Variants in SMCHD1 observed in about 807,000 individuals in gnomAD.
SMCHD1 encodes the protein structural maintenance of chromosomes flexible hinge domain containing 1.
In SMCHD1, 78 loss-of-function variants were observed where a neutral mutation model predicts 254.7. The ratio of observed to expected loss-of-function variants is 0.31; its 90% CI spans 0.26 to 0.37. The LOEUF (loss-of-function observed/expected upper bound fraction) is 0.37. Among genes scored for constraint, SMCHD1 ranks in the 10% least tolerant of loss-of-function variants. The probability of loss-of-function intolerance (pLI) is 1.00; values close to 1 mark genes in which losing one functional copy is unlikely to be tolerated. For synonymous variants in SMCHD1, 766 were observed against 794.9 expected, an observed-to-expected ratio of 0.96 and a Z score of 0.61; for missense variants, 1,840 against 2,408.1, an observed-to-expected ratio of 0.76 and a Z score of 4.94.
At chr18:2,699,384 C>G (rs559874) in intron 10 of SMCHD1, among the ~76,000 whole-genome samples, 150,298 of 152,350 alleles carry the variant, frequency 0.99, 74,170 homozygotes, top group East Asian at 1. Context: ...TTGCCACACA[C>G]GCTGGAGTGC....
At chr18:2,796,757 T>A (rs1446048909) in intron 47 of SMCHD1, 4 of 434,988 alleles carry the variant, frequency 9.2e-6, no homozygotes, top group African/African-American at 6.3e-5. Flanking sequence ...ATTTTTTGTA[T>A]TTTTTTGTAG....
intron 37 of SMCHD1, among the ~76,000 whole-genome samples, chr18:2,765,374 A>G (rs912432807): frequency 6.6e-6 from 1 of 152,080 alleles, no homozygotes; most frequent in Non-Finnish European, 1.5e-5. Context: ...ATGAAATGTT[A>G]CCTTTTCTTG....
intron 39 of SMCHD1, 44 bp downstream of exon 39, chr18:2,770,152 T>C (rs1180247525): frequency 8.9e-6 from 14 of 1,579,170 alleles, no homozygotes; most frequent in Non-Finnish European, 9.4e-6. Flanking sequence ...CTTTGGGGAA[T>C]GATGAGGCAG....
At chr18:2,672,969 G>A (rs1022482114) in intron 3 of SMCHD1, 16 of 613,998 alleles carry the variant, frequency 2.6e-5, no homozygotes, top group Non-Finnish European at 3.2e-5. Context: ...TTGATTTTAT[G>A]GTTATGGTCT....
chr18:2,675,317 T>G (rs2073718451), intron 5 of SMCHD1, among the ~76,000 whole-genome samples: 1 of 147,452 alleles, frequency 6.8e-6, no homozygotes, highest in African/African-American at 2.6e-5. Flanking sequence ...CAGGCTGAAG[T>G]GCAGTTGTGC....
intron 1 of SMCHD1, among the ~76,000 whole-genome samples, chr18:2,661,530 T>C (rs1038644066): frequency 6.6e-6 from 1 of 151,014 alleles, no homozygotes; most frequent in Non-Finnish European, 1.5e-5. Flanking sequence ...GTTTTTAATA[T>C]GGATTAAACA....
chr18:2,720,775 C>T (rs922298561), intron 19 of SMCHD1, among the ~76,000 whole-genome samples: 1 of 152,156 alleles, frequency 6.6e-6, no homozygotes, highest in African/African-American at 2.4e-5. Context: ...GACACTTTTA[C>T]ATTTAATTGA....
In SMCHD1 at chr18:2,663,745, C is replaced by T. The variant is rs571289233; in HGVS notation, c.187-2412C>T. On this transcript the variant is annotated intron_variant, in intron 1 of 47. Coordinates refer to ENST00000320876, the MANE Select transcript of SMCHD1 (RefSeq NM_015295.3). ...AATTTTTTTTTTTAAGACGGAGTCT[C>T]GCTCTGTCGCCCAGGCTGGAGTGCA... Among the ~76,000 whole-genome samples the T allele has an allele frequency of 8.0e-4, 118 of 147,940 alleles. 3 individuals carry two copies. The South Asian group carries it at 0.024, about 30-fold the overall frequency.
chr18:2,722,948 TAAC>T lies in SMCHD1; in HGVS notation c.2603+288_2603+290del, dbSNP rs147857184. On this transcript the variant is annotated intron_variant, in intron 20 of 47. Transcript: ENST00000320876. ...TTTGCAAGTATGATATAATGTCTCT[TAAC>T]AATTCATTATTTGAAATACTTCATT... Among the ~76,000 whole-genome samples, 29,449 of 152,076 alleles carry T rather than the reference TAAC, an allele frequency of 0.19. 3,076 individuals are homozygous for T. Among genetic ancestry groups the T allele is most frequent in the South Asian group, 0.27 (1,298 of 4,822 alleles).
intron 45 of SMCHD1, among the ~76,000 whole-genome samples, chr18:2,795,521 C>T (rs1001791697): frequency 6.6e-6 from 1 of 152,146 alleles, no homozygotes; most frequent in Admixed American, 6.6e-5. Flanking sequence ...TTATTAGAAA[C>T]CCCCTGTTAC....
intron 47 of SMCHD1, among the ~76,000 whole-genome samples, chr18:2,801,447 T>G (rs2076360939): frequency 6.6e-6 from 1 of 152,184 alleles, no homozygotes; most frequent in South Asian, 2.1e-4. Flanking sequence ...ATTATATTCA[T>G]GAAATTTGTT....
At chr18:2,696,269 C>T (rs773594935) in intron 8 of SMCHD1, among the ~76,000 whole-genome samples, 7 of 152,128 alleles carry the variant, frequency 4.6e-5, no homozygotes, top group South Asian at 2.1e-4. Flanking sequence ...GGGTCCCCAA[C>T]GCCCCGGTCG....
intron 17 of SMCHD1, among the ~76,000 whole-genome samples, chr18:2,711,631 C>T (rs897278810): frequency 2.7e-5 from 4 of 150,906 alleles, no homozygotes; most frequent in Non-Finnish European, 4.4e-5. Context: ...TACAGGCGCC[C>T]GCCACTACGC....
rs1346233392 is a variant in SMCHD1, at chr18:2,674,077, C to T, written c.570C>T (p.Thr190=). 3.7e-6 allele frequency: 6 copies of T among 1,603,912 alleles called. No individual in the cohort carries two copies. Among genetic ancestry groups the T allele is most frequent in the African/African-American group, 1.3e-5 (1 of 74,718 alleles). Residue 190 remains threonine, a synonymous_variant, in exon 5 of 48, where the codon ACC becomes ACT. Transcript: ENST00000320876. Reference sequence around the variant, plus strand: ...TGATAGATAATGGAAGAGGAATGACCTCTAAACAGCTTAACAACTGGGCCG... The same window carrying T: ...TGATAGATAATGGAAGAGGAATGACTTCTAAACAGCTTAACAACTGGGCCG... ...VAVIDNGRGM[T]SKQLNNWAVY... is the part of the protein sequence containing the mutation.
chr18:2,796,223 ACT>A (rs1444243919), intron 46 of SMCHD1, 116 bp downstream of exon 46: 1 of 1,031,028 alleles, frequency 9.7e-7, no homozygotes, highest in African/African-American at 1.6e-5. Flanking sequence ...CTTAACAAAA[ACT>A]CTTAACCTCC....
At chr18:2,702,467 GTTGA>G (rs2074424701) in intron 12 of SMCHD1, among the ~76,000 whole-genome samples, 1 of 152,106 alleles carries the variant, frequency 6.6e-6, no homozygotes, top group African/African-American at 2.4e-5. Flanking sequence ...AATTTGTTTG[GTTGA>G]TAGTGAATCC....
intron 37 of SMCHD1, among the ~76,000 whole-genome samples, chr18:2,767,719 A>G (rs1040885030): frequency 1.1e-4 from 16 of 150,380 alleles, no homozygotes; most frequent in Admixed American, 1.0e-3. Flanking sequence ...CCTCCCGAGT[A>G]GCTGGGACTA....
At chr18:2,747,481 A>G in intron 29 of SMCHD1, 41 bp from the exon 30 acceptor site, 1 of 1,543,878 alleles carries the variant, frequency 6.5e-7, no homozygotes, top group South Asian at 1.2e-5. Context: ...TGTTTGGCCC[A>G]TATATTTTAG....
intron 47 of SMCHD1, among the ~76,000 whole-genome samples, chr18:2,798,978 A>G (rs1034093238): frequency 9.2e-5 from 14 of 152,200 alleles, no homozygotes; most frequent in African/African-American, 3.4e-4. Flanking sequence ...GAACTTGTTA[A>G]TTAAGATTTT....
Sources: allele counts gnomAD v4.1 joint callset (sites outside exome capture counted in the v4.1 genomes callset), GRCh38; gene constraint gnomAD v4.1.1; transcripts MANE v1.5; gene names NCBI Gene and HGNC (gene_info 2026-07-23, HGNC 2026-07-21).